KCNH7: variants seen among roughly 807,000 people sequenced by gnomAD.
KCNH7 encodes the protein potassium voltage-gated channel subfamily H member 7, also known as voltage-gated inwardly rectifying potassium channel KCNH7.
Under a neutral mutation model 120.8 loss-of-function variants are expected in KCNH7, and 49 were observed. That is an observed-to-expected ratio of 0.41 (90% CI 0.32 to 0.51). The LOEUF (loss-of-function observed/expected upper bound fraction) is 0.51, where lower values mean the gene tolerates loss of function less well. KCNH7 is among the 20% of genes least tolerant of loss of function. The probability of loss-of-function intolerance (pLI) is 0.38; values close to 1 mark genes in which losing one functional copy is unlikely to be tolerated. For missense variants in KCNH7, 1,097 were observed against 1,446.6 expected, an observed-to-expected ratio of 0.76 and a Z score of 3.92; for synonymous variants, 547 against 516.1, an observed-to-expected ratio of 1.06 and a Z score of -0.81.
intron 2 of KCNH7, among the ~76,000 whole-genome samples, chr2:162,790,404 A>C (rs1050071000): frequency 3.3e-5 from 5 of 152,054 alleles, no homozygotes; most frequent in African/African-American, 1.2e-4. Flanking sequence ...AATTCTACCA[A>C]ACCTCTGAAA....
chr2:162,669,629 G>A (rs986067176), intron 2 of KCNH7, among the ~76,000 whole-genome samples: 1 of 152,194 alleles, frequency 6.6e-6, no homozygotes, highest in African/African-American at 2.4e-5. Context: ...CAGAGAATAT[G>A]AGAATATTTG....
chr2:162,711,569 A>G (rs956099746), intron 2 of KCNH7, among the ~76,000 whole-genome samples: 4 of 152,216 alleles, frequency 2.6e-5, no homozygotes, highest in Non-Finnish European at 5.9e-5. Flanking sequence ...TTTTTTCATT[A>G]TAAGAATAAC....
At chr2:162,551,138 G>A (rs1692654497) in intron 2 of KCNH7, among the ~76,000 whole-genome samples, 1 of 152,052 alleles carries the variant, frequency 6.6e-6, no homozygotes, top group African/African-American at 2.4e-5. Flanking sequence ...TGAAAGTGAG[G>A]GGAACTAAAA....
At chr2:162,422,323 C>A (rs758540045) in intron 9 of KCNH7, among the ~76,000 whole-genome samples, 2 of 152,156 alleles carry the variant, frequency 1.3e-5, no homozygotes, top group Admixed American at 6.5e-5. Flanking sequence ...AGTGGTCAAG[C>A]AGAAAGTACC....
chr2:162,474,752 C>A (rs773575404), intron 6 of KCNH7, among the ~76,000 whole-genome samples: 2 of 152,016 alleles, frequency 1.3e-5, no homozygotes. Context: ...CATAAGTAAG[C>A]TCAGAAGAGG....
chr2:162,655,146 A>C (rs1684701471), intron 2 of KCNH7, among the ~76,000 whole-genome samples: 1 of 152,200 alleles, frequency 6.6e-6, no homozygotes, highest in Non-Finnish European at 1.5e-5. Flanking sequence ...ACAAGAAAAA[A>C]TAGGTATGTG....
At chr2:162,531,099 T>C (rs540302091) in intron 3 of KCNH7, among the ~76,000 whole-genome samples, 1 of 152,012 alleles carries the variant, frequency 6.6e-6, no homozygotes, top group East Asian at 2.0e-4. Context: ...CCTGTATGAG[T>C]GACAGCTAAA....
chr2:162,694,237 G>C (rs1686210729), intron 2 of KCNH7, among the ~76,000 whole-genome samples: 1 of 152,100 alleles, frequency 6.6e-6, no homozygotes, highest in Non-Finnish European at 1.5e-5. Flanking sequence ...ACATCCTTCT[G>C]TAGTTTGGAG....
intron 2 of KCNH7, among the ~76,000 whole-genome samples, chr2:162,669,417 G>A (rs1451018884): frequency 2.6e-5 from 4 of 152,160 alleles, no homozygotes; most frequent in South Asian, 2.1e-4. Context: ...CCAAAAATCA[G>A]TGGAATGAAT....
chr2:162,469,033 T>A (rs1219005963), intron 6 of KCNH7, among the ~76,000 whole-genome samples: 1 of 152,112 alleles, frequency 6.6e-6, no homozygotes. Context: ...TAATTTTTAT[T>A]TTGTAGAAGC....
At chr2:162,485,055 G>C (rs564801112) in intron 6 of KCNH7, among the ~76,000 whole-genome samples, 1 of 152,310 alleles carries the variant, frequency 6.6e-6, no homozygotes, top group South Asian at 2.1e-4. Flanking sequence ...TAAGGAATCT[G>C]TGTCTCTGTT....
At chr2:162,465,957 T>A (rs6757911) in intron 6 of KCNH7, among the ~76,000 whole-genome samples, 11,217 of 152,204 alleles carry the variant, frequency 0.074, 1,317 homozygotes, top group African/African-American at 0.25. Flanking sequence ...TGTGAAGATA[T>A]TCAGAATTTA....
At chr2:162,572,936 T>C (rs1693538956) in intron 2 of KCNH7, among the ~76,000 whole-genome samples, 1 of 152,056 alleles carries the variant, frequency 6.6e-6, no homozygotes, top group Non-Finnish European at 1.5e-5. Context: ...TTGGGAGATA[T>C]ACCTAATGCT....
At chr2:162,512,217 C>T (rs888068138) in intron 5 of KCNH7, among the ~76,000 whole-genome samples, 1 of 151,774 alleles carries the variant, frequency 6.6e-6, no homozygotes, top group African/African-American at 2.4e-5. Flanking sequence ...CATCCAGGAA[C>T]GTGAAACTAG....
At chr2:162,620,347 T>C (rs1683309905) in intron 2 of KCNH7, among the ~76,000 whole-genome samples, 1 of 151,874 alleles carries the variant, frequency 6.6e-6, no homozygotes, top group Non-Finnish European at 1.5e-5. Flanking sequence ...TCAAATGTCA[T>C]CTTGGCCCAG....
chr2:162,619,797 A>G (rs1485136772), intron 2 of KCNH7, among the ~76,000 whole-genome samples: 1 of 152,130 alleles, frequency 6.6e-6, no homozygotes, highest in Non-Finnish European at 1.5e-5. Flanking sequence ...ACCTTGCTCC[A>G]AAACAGAAAG....
chr2:162,680,874 T>C (rs1479582637), intron 2 of KCNH7, among the ~76,000 whole-genome samples: 5 of 151,756 alleles, frequency 3.3e-5, no homozygotes, highest in South Asian at 2.1e-4. Context: ...AAAACGCCCA[T>C]AGGGCTTTGG....
intron 2 of KCNH7, among the ~76,000 whole-genome samples, chr2:162,785,571 C>G (rs1041559761): frequency 6.6e-6 from 1 of 151,638 alleles, no homozygotes; most frequent in East Asian, 1.9e-4. Context: ...TTTGCAGTCA[C>G]TCAAATCTAA....
At chr2:162,693,103 A>G (rs771406856) in intron 2 of KCNH7, among the ~76,000 whole-genome samples, 7 of 151,750 alleles carry the variant, frequency 4.6e-5, no homozygotes, top group Non-Finnish European at 8.8e-5. Flanking sequence ...GGGAAAAAAG[A>G]AGATGTTTTG....
Sources: allele counts gnomAD v4.1 joint callset (sites outside exome capture counted in the v4.1 genomes callset), GRCh38; gene constraint gnomAD v4.1.1; transcripts MANE v1.5; gene names NCBI Gene and HGNC (gene_info 2026-07-23, HGNC 2026-07-21).